The following PTPRF variants were observed in gnomAD, a reference collection of about 807,000 sequenced individuals.
PTPRF encodes the protein protein tyrosine phosphatase receptor type F, also known as receptor-type tyrosine-protein phosphatase F.
In PTPRF, 59 loss-of-function variants were observed where a neutral mutation model predicts 201.8. That is an observed-to-expected ratio of 0.29 (90% CI 0.24 to 0.36). PTPRF has a LOEUF of 0.36. PTPRF is among the 10% of genes least tolerant of loss of function. The pLI, the probability that PTPRF is intolerant of heterozygous loss-of-function variation, is 1.00. For synonymous variants in PTPRF, 1,088 were observed against 1,089.7 expected, an observed-to-expected ratio of 1.00 and a Z score of 0.03; for missense variants, 2,132 against 2,690.5, an observed-to-expected ratio of 0.79 and a Z score of 4.59.
At chr1:43,596,088 C>T (rs10443226) in intron 11 of PTPRF, among the ~76,000 whole-genome samples, 39,550 of 152,006 alleles carry the variant, frequency 0.26, 6,099 homozygotes, top group East Asian at 0.48. Flanking sequence ...GGCGAGGGAC[C>T]TTGCGATATT....
At chr1:43,565,848 G>A (rs1177237112) in intron 5 of PTPRF, among the ~76,000 whole-genome samples, 1 of 152,068 alleles carries the variant, frequency 6.6e-6, no homozygotes, top group Non-Finnish European at 1.5e-5. Flanking sequence ...GCGCGCGCCT[G>A]CACGGACTCG....
chr1:43,589,547 C>T (rs1356652295), intron 8 of PTPRF, among the ~76,000 whole-genome samples: 1 of 152,024 alleles, frequency 6.6e-6, no homozygotes, highest in East Asian at 1.9e-4. Context: ...ATGTATTACA[C>T]ATATGTCACA....
At chr1:43,567,360 C>T (rs1646256810) in intron 5 of PTPRF, among the ~76,000 whole-genome samples, 1 of 152,216 alleles carries the variant, frequency 6.6e-6, no homozygotes, top group South Asian at 2.1e-4. Flanking sequence ...TCTCTTGCCA[C>T]TGTTGAACAT....
intron 2 of PTPRF, among the ~76,000 whole-genome samples, chr1:43,541,104 C>T (rs1234909352): frequency 6.6e-6 from 1 of 152,328 alleles, no homozygotes; most frequent in East Asian, 1.9e-4. Context: ...TTCCTCTTGG[C>T]CGTCTGCTCT....
At chr1:43,598,273 A>G (rs1652878572) in intron 12 of PTPRF, 3 of 509,710 alleles carry the variant, frequency 5.9e-6, no homozygotes, top group Non-Finnish European at 1.0e-5. Context: ...TTCACAGGCT[A>G]AGATGGGAGA....
chr1:43,527,372 C>G (rs1226547374), upstream of PTPRF, among the ~76,000 whole-genome samples: 1 of 152,258 alleles, frequency 6.6e-6, no homozygotes, highest in Non-Finnish European at 1.5e-5. Flanking sequence ...GCAGCTATCA[C>G]GCTCTCCCAG....
chr1:43,555,309 C>CAT (rs749764267), intron 5 of PTPRF, among the ~76,000 whole-genome samples: 4 of 131,054 alleles, frequency 3.1e-5, no homozygotes, highest in African/African-American at 1.0e-4. Context: ...TCTGTGCATA[C>CAT]ATATATATGT....
intron 22 of PTPRF, chr1:43,613,396 C>T: frequency 1.9e-6 from 1 of 521,928 alleles, no homozygotes; most frequent in Non-Finnish European, 3.5e-6. Flanking sequence ...AGCACCCCGC[C>T]ACCAAAACAG....
chr1:43,541,277 T>C (rs974259826), intron 2 of PTPRF, among the ~76,000 whole-genome samples: 1 of 152,160 alleles, frequency 6.6e-6, no homozygotes. Context: ...AATCAATCTG[T>C]GTTTGCGTAT....
intron 11 of PTPRF, 104 bp downstream of exon 11, chr1:43,592,705 G>T: frequency 7.5e-7 from 1 of 1,337,708 alleles, no homozygotes; most frequent in Non-Finnish European, 9.8e-7. Flanking sequence ...GGGTGGTCAG[G>T]TCTGCTGGCC....
In PTPRF at chr1:43,603,431, G is replaced by A. The variant is rs747692299; in HGVS notation, c.2356G>A (p.Gly786Ser). 12 of 1,614,070 alleles carry A rather than the reference G, an allele frequency of 7.4e-6. No homozygotes were observed. In the East Asian group the frequency reaches 8.9e-5, roughly 12 times the overall value. Residue 786 changes from glycine (G) to serine (S), a missense_variant, in exon 15 of 34, where the codon GGC (glycine) becomes AGC (serine). Coordinates refer to ENST00000359947, the MANE Select transcript of PTPRF (RefSeq NM_002840.5). This position sits in a 1 kb window ranked among gnomAD's most constrained non-coding sequence, Gnocchi z 5.8. ...CCTCCCTCAGGAAACCACTATCAGC[G>A]GCCTGACCCCGGAGACCACCTACTC... ...ESEDYETTISGLTPETTYSVT... is the reference protein window; with the variant it reads ...ESEDYETTISSLTPETTYSVT...
rs1416435157 is a variant in PTPRF at position 43,618,666 on chromosome 1, G to A, written c.4408G>A (p.Glu1470Lys). 1.1e-5 allele frequency: 18 copies of A among 1,612,390 alleles called. No individual in the cohort carries two copies. Among genetic ancestry groups the A allele is most frequent in the East Asian group, 2.2e-5 (1 of 44,814 alleles). The stretch of plus-strand genomic sequence containing the variant: ...TCAGTACTGGCCAGCCCGTGGCACC[G>A]AGACCTGTGGCCTTATTCAGGTGAC... ...CDQYWPARGT[E>K]TCGLIQVTLL... The change falls in exon 26 of 34, where the codon GAG (glutamate) becomes AAG (lysine). Residue 1470 changes from glutamate to lysine, a missense_variant. By Grantham distance (56) the Glu-to-Lys change is moderately conservative. Transcript: ENST00000359947.
At chr1:43,571,656 C>T (rs1243853108) in intron 6 of PTPRF, among the ~76,000 whole-genome samples, 10 of 152,234 alleles carry the variant, frequency 6.6e-5, no homozygotes, top group African/African-American at 2.4e-4. Flanking sequence ...AGTCCTATCC[C>T]AGGCACCAGA....
rs748877164 is a variant in PTPRF, at chr1:43,619,541, G to A, written c.4900G>A (p.Glu1634Lys). 4.3e-6 allele frequency: 7 copies of A among 1,613,718 alleles called. 1 individual carries two copies. In the South Asian group the frequency reaches 6.6e-5, roughly 15 times the overall value. The change falls in exon 28 of 34, where the codon GAG becomes AAG. Residue 1634 changes from glutamate (E) to lysine (K), a missense_variant. Coordinates refer to ENST00000359947, the MANE Select transcript of PTPRF (RefSeq NM_002840.5). ...GAAGCTGGGCCAAGTGCCTCCAGGG[G>A]AGAGTGTGACCGCCATGGAGCTCGA... ...IQKLGQVPPGESVTAMELEFK... is the reference protein window; with the variant it reads ...IQKLGQVPPGKSVTAMELEFK...
At position 43,620,543 on chromosome 1, in the gene PTPRF, G is replaced by A. The variant is rs1422196179; in HGVS notation, c.5328G>A (p.Gln1776=). Residue 1776 remains glutamine (Q), a synonymous_variant, in exon 31 of 34, where the codon CAG becomes CAA. Transcript: ENST00000359947. ...VDPMAEYNMP[Q]YILREFKVTD... ...CGATGGCTGAGTACAACATGCCCCA[G>A]TATATCCTGCGTGAGTTCAAGGTCA... 1 of 1,614,164 alleles carries A rather than the reference G, an allele frequency of 6.2e-7. No individual in the cohort carries two copies. The highest frequency in any genetic ancestry group is 2.2e-5 in the East Asian group (1 of 44,888).
chr1:43,528,215 CAG>C (rs1643199217), upstream of PTPRF, among the ~76,000 whole-genome samples: 1 of 152,142 alleles, frequency 6.6e-6, no homozygotes, highest in South Asian at 2.1e-4. Flanking sequence ...TTTTTTAAAA[CAG>C]AGTCTTGCTC....
intron 3 of PTPRF, among the ~76,000 whole-genome samples, chr1:43,547,633 T>G (rs1644762431): frequency 6.6e-6 from 1 of 152,214 alleles, no homozygotes; most frequent in African/African-American, 2.4e-5. Context: ...AATTGACAGC[T>G]GGGGCAGTGA....
Position 43,620,076 on chromosome 1 carries a change from A to T in PTPRF, c.5112-19A>T, listed in dbSNP as rs553169146. 45 of 1,613,552 alleles carry T rather than the reference A, an allele frequency of 2.8e-5. No homozygotes were observed. Among genetic ancestry groups the T allele is most frequent in the Non-Finnish European group, 3.6e-5 (42 of 1,179,742 alleles). On this transcript the variant is annotated intron_variant, in intron 29 of 33. Transcript: ENST00000359947. ...GGGCAGCAGCACCTCCAGCATGTCC[A>T]GTCTTATGTCCACCCCAGACAGCAG...
At chr1:43,619,002 G>A (rs1394022861) in intron 26 of PTPRF, 46 bp from the exon 27 acceptor site, 1 of 1,594,298 alleles carries the variant, frequency 6.3e-7, no homozygotes, top group East Asian at 2.2e-5. Flanking sequence ...TGAGTCTATG[G>A]CAGGTAGGCT....
Sources: gnomAD v4.1 joint callset for allele counts (sites outside exome capture counted in the v4.1 genomes callset) on GRCh38, gnomAD v4.1.1 for gene constraint, Gnocchi (gnomAD v3.1) non-coding constraint, MANE v1.5 for transcripts, NCBI Gene and HGNC (gene_info 2026-07-23, HGNC 2026-07-21) for gene names.